Variants in CYTH1 observed in about 807,000 individuals in gnomAD.
CYTH1 encodes the protein cytohesin 1.
Under a neutral mutation model 61.8 loss-of-function variants are expected in CYTH1, and 18 were observed. The ratio of observed to expected loss-of-function variants is 0.29; its 90% CI spans 0.20 to 0.43. The LOEUF is 0.43. Ranked by LOEUF, CYTH1 falls within the 20% of genes least tolerant of loss-of-function variation. CYTH1 has a pLI of 1.00. For synonymous variants in CYTH1, 174 were observed against 184.3 expected (o/e 0.94, Z 0.45); for missense variants, 336 against 510.5 (o/e 0.66, Z 3.29).
At chr17:78,773,838 A>AT (rs1434327820) in intron 1 of CYTH1, among the ~76,000 whole-genome samples, 8 of 152,128 alleles carry the variant, frequency 5.3e-5, no homozygotes, top group African/African-American at 1.9e-4. Flanking sequence ...ACTGATACAC[A>AT]TTTTCCCCAT....
chr17:78,746,211 G>T (rs188551392), intron 1 of CYTH1, among the ~76,000 whole-genome samples: 1 of 152,276 alleles, frequency 6.6e-6, no homozygotes, highest in East Asian at 1.9e-4. Flanking sequence ...GTGGGGTCAG[G>T]TATTGTTAAG....
intron 1 of CYTH1, chr17:78,727,938 C>T (rs2093275059): frequency 3.1e-6 from 1 of 319,614 alleles, no homozygotes. Flanking sequence ...GGCAGCACAC[C>T]CACTCCAGAA....
chr17:78,756,085 T>A (rs571115972), intron 1 of CYTH1, among the ~76,000 whole-genome samples: 81 of 148,648 alleles, frequency 5.4e-4, no homozygotes, highest in Non-Finnish European at 7.0e-4. Context: ...TTTTATTTTT[T>A]TTTTTTTTGA....
In CYTH1 at chr17:78,680,820, C is replaced by G; in HGVS notation, c.963+151G>C. ...GGCACAGGAAGAAGTGATTTCGAGT[C>G]TCATCTTTGGCTTGAACAATATAAT... On this transcript the variant is annotated intron_variant, in intron 12 of 13. Coordinates refer to ENST00000446868, the MANE Select transcript of CYTH1 (RefSeq NM_004762.6). 3.8e-6 allele frequency: 3 copies of G among 797,756 alleles called. No homozygotes were observed. The East Asian group carries it at 7.4e-5, about 20-fold the overall frequency. The allele number at this position is 797,756 out of a possible 1,614,324, so 49.4% of individuals were successfully genotyped here. A position where few individuals can be genotyped will look rare whatever the true frequency, so the allele number is the denominator to read the frequency against.
intron 13 of CYTH1, chr17:78,677,659 C>A (rs1035287546): frequency 6.6e-6 from 1 of 152,380 alleles, no homozygotes; most frequent in Non-Finnish European, 1.5e-5. Context: ...GCTGGGACCA[C>A]CCACACGCAG....
intron 1 of CYTH1, among the ~76,000 whole-genome samples, chr17:78,770,629 G>A (rs2093467637): frequency 6.6e-6 from 1 of 152,094 alleles, no homozygotes; most frequent in South Asian, 2.1e-4. Context: ...ATGTTGGCCA[G>A]GATGGTCTCG....
chr17:78,687,754 C>A (rs900658413), intron 11 of CYTH1, among the ~76,000 whole-genome samples: 5 of 152,228 alleles, frequency 3.3e-5, no homozygotes, highest in African/African-American at 1.2e-4. Context: ...TTGTCACTCT[C>A]CCCTGAAGTG....
At chr17:78,714,477 C>T (rs2093164116) in intron 1 of CYTH1, among the ~76,000 whole-genome samples, 4 of 152,120 alleles carry the variant, frequency 2.6e-5, no homozygotes, top group Admixed American at 2.0e-4. Context: ...GCAGGGACAC[C>T]GTATGCCTTG....
At chr17:78,746,585 T>G (rs2093360181) in intron 1 of CYTH1, among the ~76,000 whole-genome samples, 1 of 152,180 alleles carries the variant, frequency 6.6e-6, no homozygotes, top group Non-Finnish European at 1.5e-5. Flanking sequence ...AGCCTAACAC[T>G]TTTAGAATGC....
At chr17:78,692,706 C>T (rs1286715063) in intron 10 of CYTH1, among the ~76,000 whole-genome samples, 8 of 151,730 alleles carry the variant, frequency 5.3e-5, no homozygotes, top group South Asian at 4.2e-4. Flanking sequence ...GCAGAGCAAG[C>T]GCATCTAGGT....
chr17:78,685,951 T>C (rs1374992978), intron 11 of CYTH1, among the ~76,000 whole-genome samples: 1 of 152,244 alleles, frequency 6.6e-6, no homozygotes, highest in Non-Finnish European at 1.5e-5. Flanking sequence ...CCAAGTTCAA[T>C]GGTCTAAGGG....
intron 1 of CYTH1, among the ~76,000 whole-genome samples, chr17:78,754,177 G>A (rs775900369): frequency 3.3e-5 from 5 of 152,178 alleles, no homozygotes; most frequent in Non-Finnish European, 5.9e-5. Context: ...GGAAAGGCAT[G>A]CGTGTGATGC....
intron 1 of CYTH1, among the ~76,000 whole-genome samples, chr17:78,759,427 GGCACCTGGCCACT>G (rs2093413760): frequency 6.6e-6 from 1 of 152,150 alleles, no homozygotes; most frequent in Non-Finnish European, 1.5e-5. Flanking sequence ...CTCTAAAACT[GGCACCTGGCCACT>G]GGCTGCCTAG....
intron 1 of CYTH1, among the ~76,000 whole-genome samples, chr17:78,747,636 T>C (rs1012227508): frequency 6.6e-6 from 1 of 152,224 alleles, no homozygotes; most frequent in African/African-American, 2.4e-5. Context: ...CTCTACAGAT[T>C]TGCCTAATAC....
At chr17:78,680,818 G>C (rs2092753204) in intron 12 of CYTH1, among the ~76,000 whole-genome samples, 153 bp downstream of exon 12, 1 of 152,146 alleles carries the variant, frequency 6.6e-6, no homozygotes, top group Non-Finnish European at 1.5e-5. Flanking sequence ...GTGATTTCGA[G>C]TCTCATCTTT....
chr17:78,758,036 T>C (rs377108223), intron 1 of CYTH1, among the ~76,000 whole-genome samples: 1 of 152,240 alleles, frequency 6.6e-6, no homozygotes, highest in Non-Finnish European at 1.5e-5. Flanking sequence ...AAAACCCATT[T>C]GGCAGTACAT....
intron 3 of CYTH1, among the ~76,000 whole-genome samples, chr17:78,707,805 C>T (rs375911688): frequency 6.6e-6 from 1 of 151,958 alleles, no homozygotes; most frequent in Non-Finnish European, 1.5e-5. Context: ...CTCAGCCTCC[C>T]GAGTAGCTGG....
intron 8 of CYTH1, 99 bp from the exon 9 acceptor site, chr17:78,698,479 G>C (rs1283377175): frequency 3.1e-6 from 3 of 979,752 alleles, no homozygotes; most frequent in Non-Finnish European, 4.8e-6. Flanking sequence ...TGTGCCTATA[G>C]TAAGCCAAGC....
intron 1 of CYTH1, chr17:78,736,832 C>T (rs1567868058): frequency 4.0e-6 from 1 of 252,990 alleles, no homozygotes; most frequent in Non-Finnish European, 8.7e-6. Flanking sequence ...CCGGGGATAC[C>T]TGTGAAGCTG....
Sources: gnomAD v4.1 joint callset for allele counts (sites outside exome capture counted in the v4.1 genomes callset) on GRCh38, gnomAD v4.1.1 for gene constraint, MANE v1.5 for transcripts, NCBI Gene and HGNC (gene_info 2026-07-23, HGNC 2026-07-21) for gene names.